SPDYA: variants seen among roughly 807,000 people sequenced by gnomAD.
SPDYA encodes the protein speedy protein A.
In SPDYA, 11 loss-of-function variants were observed where a neutral mutation model predicts 36.7. The observed-to-expected ratio is 0.30, with a 90% CI of 0.19 to 0.50. SPDYA has a LOEUF of 0.50. Among genes scored for constraint, SPDYA ranks in the 20% least tolerant of loss-of-function variants. The pLI is 0.98. For synonymous variants in SPDYA, 115 were observed against 118.7 expected (o/e 0.97, Z 0.20); for missense variants, 287 against 370.9 (o/e 0.77, Z 1.86).
intron 4 of SPDYA, among the ~76,000 whole-genome samples, chr2:28,820,572 C>T (rs921460714): frequency 6.6e-6 from 1 of 151,912 alleles, no homozygotes; most frequent in East Asian, 1.9e-4. Context: ...GGCGACAGAT[C>T]GAGACTCTGT....
chr2:28,812,622 C>T (rs190543843), intron 1 of SPDYA, among the ~76,000 whole-genome samples: 66 of 151,606 alleles, frequency 4.4e-4, no homozygotes, highest in African/African-American at 1.5e-3. Context: ...TTTGGGAGGC[C>T]GAGGCGGGCC....
chr2:28,817,646 G>A lies in SPDYA; in HGVS notation c.235+1397G>A, dbSNP rs146205382. Among the ~76,000 whole-genome samples the A allele has an allele frequency of 9.4e-3, 1,419 of 151,602 alleles. 16 individuals are homozygous for A. The highest frequency in any genetic ancestry group is 0.01 in the Non-Finnish European group (709 of 67,896). On this transcript the variant is annotated intron_variant, in intron 3 of 7. Coordinates refer to ENST00000334056, the MANE Select transcript of SPDYA (RefSeq NM_182756.4). ...ATCCCAGCACTTTAGGAGGCTGAAG[G>A]GGGCGGACCACTTGAGGCCAGGAGT...
chr2:28,840,520 G>A (rs909335694), intron 7 of SPDYA, 51 bp downstream of exon 7: 14 of 1,582,966 alleles, frequency 8.8e-6, no homozygotes, highest in South Asian at 1.2e-5. Context: ...TGTTTACTGA[G>A]CTCTAGTCAG....
chr2:28,816,332 C>G, intron 3 of SPDYA, 83 bp downstream of exon 3: 1 of 1,016,036 alleles, frequency 9.8e-7, no homozygotes, highest in Non-Finnish European at 1.4e-6. Context: ...TTATTCTGAT[C>G]AAAGAGGATA....
At chr2:28,812,767 G>GA (rs1667880722) in intron 1 of SPDYA, among the ~76,000 whole-genome samples, 1 of 143,564 alleles carries the variant, frequency 7.0e-6, no homozygotes, top group Non-Finnish European at 1.5e-5. Flanking sequence ...TGAGGCTGGA[G>GA]AATCGCTTGA....
chr2:28,818,970 C>T, intron 3 of SPDYA, 78 bp from the exon 4 acceptor site: 1 of 1,154,782 alleles, frequency 8.7e-7, no homozygotes, highest in South Asian at 1.4e-5. Flanking sequence ...CATGTATAAT[C>T]TCTTGACATA....
intron 6 of SPDYA, among the ~76,000 whole-genome samples, chr2:28,835,806 CTAG>C (rs1668583763): frequency 6.6e-6 from 1 of 152,194 alleles, no homozygotes; most frequent in Admixed American, 6.5e-5. Context: ...AGGTAACTGC[CTAG>C]TAGATTTTAT....
Position 28,811,478 on chromosome 2 carries a change from C to G in SPDYA, c.-93+531C>G, listed in dbSNP as rs994712834. On this transcript the variant is annotated intron_variant, in intron 1 of 7. Coordinates refer to ENST00000334056, the MANE Select transcript of SPDYA (RefSeq NM_182756.4). This position sits in a 1 kb window ranked among gnomAD's most constrained non-coding sequence, Gnocchi z 4.2. ...AATTTTGAGATCTGAGCTGCTGTGT[C>G]TCAGTACCAGGCCCGTAGCTCATTT... Among the ~76,000 whole-genome samples the G allele has an allele frequency of 6.6e-6, 1 of 152,206 alleles. No individual in the cohort carries two copies. The highest frequency in any genetic ancestry group is 2.1e-4 in the South Asian group (1 of 4,816).
Position 28,826,949 on chromosome 2 carries a change from CTTTTTTTTTTT to C in SPDYA, c.381-2189_381-2179del, listed in dbSNP as rs1309143694. On this transcript the variant is annotated intron_variant, in intron 5 of 7. Coordinates refer to ENST00000334056, the MANE Select transcript of SPDYA (RefSeq NM_182756.4). Reference sequence around the variant, plus strand: ...TGCTATTTTCTTTTTTCTTTTCTTTCTTTTTTTTTTTTTTTTTTTTAAGAAGGAGTCTCGCT... The same window carrying C: ...TGCTATTTTCTTTTTTCTTTTCTTTCTTTTTTTTTAAGAAGGAGTCTCGCT... 1.4e-4 allele frequency among the ~76,000 whole-genome samples: 16 copies of C among 113,808 alleles called. No homozygotes were observed. The Admixed American group carries it at 1.4e-3, about 10-fold the overall frequency. The allele number at this position is 113,808 out of a possible 152,430, so 74.7% of individuals were successfully genotyped here.
chr2:28,833,936 T>A (rs1039246403), intron 6 of SPDYA, among the ~76,000 whole-genome samples: 5 of 152,026 alleles, frequency 3.3e-5, no homozygotes, highest in South Asian at 2.1e-4. Context: ...TGAAAAAAAT[T>A]TTTTGCAAGT....
chr2:28,811,630 C>T lies in SPDYA; in HGVS notation c.-93+683C>T, dbSNP rs991143266. On this transcript the variant is annotated intron_variant, in intron 1 of 7. Coordinates refer to ENST00000334056, the MANE Select transcript of SPDYA (RefSeq NM_182756.4). This position sits in a 1 kb window ranked among gnomAD's most constrained non-coding sequence, Gnocchi z 4.2. ...GAGGCCAGGATTCGAGAGCAGCCCA[C>T]AGCGAAAACCCCGTCTCTACAAAAA... 6.6e-6 allele frequency among the ~76,000 whole-genome samples: 1 copy of T among 151,834 alleles called. No homozygotes were observed. Among genetic ancestry groups the T allele is most frequent in the Non-Finnish European group, 1.5e-5 (1 of 67,992 alleles).
chr2:28,816,208 T>A lies in SPDYA; in HGVS notation c.194T>A (p.Val65Asp), dbSNP rs1451099763. ...KSKRPKGPCL[V>D]IQRQDMTAFF... Reference sequence around the variant, plus strand: ...AAACGCCCCAAAGGACCTTGTCTGGTTATACAGCGTCAGGATATGACTGCT... The same window carrying A: ...AAACGCCCCAAAGGACCTTGTCTGGATATACAGCGTCAGGATATGACTGCT... The change falls in exon 3 of 8, where the codon GTT becomes GAT. Residue 65 changes from valine to aspartate, a missense_variant. Val to Asp is a radical substitution (Grantham distance 152). Transcript: ENST00000334056. 6.2e-7 allele frequency: 1 copy of A among 1,613,678 alleles called. No homozygotes were observed. Among genetic ancestry groups the A allele is most frequent in the Admixed American group, 1.7e-5 (1 of 59,924 alleles).
intron 6 of SPDYA, among the ~76,000 whole-genome samples, chr2:28,837,559 T>C (rs557816400): frequency 2.0e-5 from 3 of 152,196 alleles, no homozygotes; most frequent in Non-Finnish European, 4.4e-5. Context: ...TTTTAAGAAC[T>C]TTCCAGGCAC....
At chr2:28,842,234 T>G (rs556495147) in intron 7 of SPDYA, 1 of 152,314 alleles carries the variant, frequency 6.6e-6, no homozygotes, top group African/African-American at 2.4e-5. Context: ...AGCAGACTAC[T>G]AAGGAGGTGG....
intron 5 of SPDYA, among the ~76,000 whole-genome samples, chr2:28,823,674 G>C (rs1558323934): frequency 8.6e-6 from 1 of 116,910 alleles, no homozygotes; most frequent in African/African-American, 3.2e-5. Flanking sequence ...CCTATAGCTG[G>C]ATATAATGCT....
chr2:28,841,157 C>T lies in SPDYA; in HGVS notation c.850+688C>T, dbSNP rs150818529. 1.8e-3 allele frequency among the ~76,000 whole-genome samples: 270 copies of T among 152,174 alleles called. 1 individual carries two copies. The highest frequency in any genetic ancestry group is 2.4e-3 in the Non-Finnish European group (160 of 68,004). On this transcript the variant is annotated intron_variant, in intron 7 of 7. Coordinates refer to ENST00000334056, the MANE Select transcript of SPDYA (RefSeq NM_182756.4). ...CCATGTTGGCCAGGCCGGTCTCGAA[C>T]TCCTGGCCTCAAGTGATCTGCCTTC...
rs543622099 is a variant in SPDYA, at chr2:28,849,054, A to C, written c.851-796A>C. Among the ~76,000 whole-genome samples the C allele has an allele frequency of 3.9e-3, 598 of 152,104 alleles. 3 individuals carry two copies. The highest frequency in any genetic ancestry group is 0.013 in the African/African-American group (547 of 41,510). ...AATGAGAATCTGTCTCAAAAAAAAA[A>C]ACACACACACACAACTAAAAACCTA... is the stretch of plus-strand genomic sequence containing the variant. On this transcript the variant is annotated intron_variant, in intron 7 of 7. Coordinates refer to ENST00000334056, the MANE Select transcript of SPDYA (RefSeq NM_182756.4).
intron 5 of SPDYA, among the ~76,000 whole-genome samples, chr2:28,824,553 C>CTTTCT (rs1668270351): frequency 4.5e-5 from 6 of 133,298 alleles, no homozygotes; most frequent in Non-Finnish European, 8.1e-5. Context: ...TTCTTTCTTT[C>CTTTCT]TTTTTTTTTT....
intron 7 of SPDYA, chr2:28,840,686 A>C (rs1668728746): frequency 7.7e-7 from 1 of 1,293,412 alleles, no homozygotes; most frequent in Non-Finnish European, 9.8e-7. Flanking sequence ...ACCTATGTTA[A>C]GTTGAAAACT....
Sources: gnomAD v4.1 joint callset for allele counts (sites outside exome capture counted in the v4.1 genomes callset) on GRCh38, gnomAD v4.1.1 for gene constraint, Gnocchi (gnomAD v3.1) non-coding constraint, MANE v1.5 for transcripts, NCBI Gene and HGNC (gene_info 2026-07-23, HGNC 2026-07-21) for gene names.